TRIM71: variants seen among roughly 807,000 people sequenced by gnomAD.
TRIM71 encodes E3 ubiquitin-protein ligase TRIM71.
A neutral mutation model predicts 61.2 loss-of-function variants in TRIM71; 9 were observed. The observed-to-expected ratio is 0.15, with a 90% CI of 0.09 to 0.26. The LOEUF (loss-of-function observed/expected upper bound fraction) is 0.26. Ranked by LOEUF, TRIM71 falls within the 10% of genes least tolerant of loss-of-function variation. The pLI, the probability that TRIM71 is intolerant of heterozygous loss-of-function variation, is 1.00. For missense variants in TRIM71, 998 were observed against 1,238.7 expected (o/e 0.81, Z 2.92); for synonymous variants, 645 against 553.2 (o/e 1.17, Z -2.33).
rs974484327 is a variant in TRIM71 at position 32,818,566 on chromosome 3, C to T, written c.486C>T (p.Ala162=). Residue 162 remains alanine (A), a synonymous_variant, in exon 1 of 4, where the codon GCC becomes GCT. Transcript: ENST00000383763. Reference sequence around the variant, plus strand: ...ACCACGCGCACCCGCGCGCGTCCGCCTCCGCGCCGCCACTCCCGCAGGCGC... The same window carrying T: ...ACCACGCGCACCCGCGCGCGTCCGCTTCCGCGCCGCCACTCCCGCAGGCGC... ...HAHHAHPRAS[A]SAPPLPQAPQ... 64 of 1,268,832 alleles carry T rather than the reference C, an allele frequency of 5.0e-5. No homozygotes were observed. The African/African-American group carries it at 6.9e-4, about 14-fold the overall frequency. 78.6% of individuals were successfully genotyped at this position (1,268,832 alleles called of 1,614,324 possible). A position where few individuals can be genotyped will look rare whatever the true frequency, so the allele number is the denominator to read the frequency against.
chr3:32,818,438 C>G lies in TRIM71; in HGVS notation c.358C>G (p.Leu120Val). 6.8e-7 allele frequency: 1 copy of G among 1,474,016 alleles called. No homozygotes were observed. Among genetic ancestry groups the G allele is most frequent in the African/African-American group, 1.5e-5 (1 of 68,014 alleles). The allele number at this position is 1,474,016 out of a possible 1,614,324, so 91.3% of individuals were successfully genotyped here. Residue 120 changes from leucine to valine, a missense_variant, in exon 1 of 4, where the codon CTC becomes GTC. Leu to Val is a conservative substitution (Grantham distance 32). Around this residue, in one of 5 missense-constraint regions of TRIM71, gnomAD observed 527 missense variants for 427.8 expected, o/e 1.23. Transcript: ENST00000383763. ...GTCCGCCTTCCTGCTTAGCAACCTG[C>G]TCGACGCGGTGGTGGCCACTGCCGA... Reference protein sequence around the residue: ...PSSAFLLSNLLDAVVATADEP... With the variant: ...PSSAFLLSNLVDAVVATADEP...
intron 1 of TRIM71, among the ~76,000 whole-genome samples, chr3:32,833,529 G>A (rs1343032336): frequency 6.6e-6 from 1 of 152,002 alleles, no homozygotes; most frequent in Non-Finnish European, 1.5e-5. Flanking sequence ...TGGAACCCCC[G>A]GCTATCTCCC....
chr3:32,839,053 G>T (rs940930303), intron 1 of TRIM71, among the ~76,000 whole-genome samples: 4 of 151,946 alleles, frequency 2.6e-5, no homozygotes, highest in African/African-American at 4.8e-5. Flanking sequence ...TGTCCGCCTT[G>T]GCCTCTGGGA....
chr3:32,875,210 G>A (rs531927836), intron 2 of TRIM71, among the ~76,000 whole-genome samples: 102 of 152,356 alleles, frequency 6.7e-4, no homozygotes, highest in African/African-American at 2.4e-3. Context: ...GAGGTTCGGT[G>A]TCTTCAGTCC....
intron 1 of TRIM71, among the ~76,000 whole-genome samples, chr3:32,851,381 C>G (rs1401812527): frequency 6.6e-6 from 1 of 152,250 alleles, no homozygotes; most frequent in Admixed American, 6.5e-5. Context: ...CTCTCCTTAA[C>G]TGAATCCACC....
chr3:32,877,805 T>G (rs1378406111), intron 2 of TRIM71, among the ~76,000 whole-genome samples: 1 of 152,162 alleles, frequency 6.6e-6, no homozygotes, highest in Non-Finnish European at 1.5e-5. Context: ...CTCCACTACT[T>G]CTTTCTGCTA....
chr3:32,829,098 ATTC>A (rs1238870926), intron 1 of TRIM71, among the ~76,000 whole-genome samples: 4 of 151,908 alleles, frequency 2.6e-5, no homozygotes, highest in South Asian at 2.1e-4. Context: ...GGTTCAAGCA[ATTC>A]TTCTGCCTCA....
At chr3:32,831,317 G>A (rs558469533) in intron 1 of TRIM71, among the ~76,000 whole-genome samples, 2 of 108,268 alleles carry the variant, frequency 1.8e-5, no homozygotes, top group African/African-American at 5.4e-5. Context: ...ATTTCTGACC[G>A]TTAAGATGGG....
chr3:32,843,173 A>G (rs1219026261), intron 1 of TRIM71, among the ~76,000 whole-genome samples: 1 of 152,000 alleles, frequency 6.6e-6, no homozygotes, highest in Non-Finnish European at 1.5e-5. Context: ...GAAATACAAG[A>G]GGGGCAGGGC....
intron 1 of TRIM71, among the ~76,000 whole-genome samples, chr3:32,858,750 C>T (rs993437594): frequency 6.6e-6 from 1 of 152,148 alleles, no homozygotes; most frequent in East Asian, 1.9e-4. Context: ...CTTTTCCTGA[C>T]TTTAAGTGAT....
intron 1 of TRIM71, among the ~76,000 whole-genome samples, chr3:32,846,232 T>C (rs1390504983): frequency 2.0e-5 from 3 of 151,614 alleles, no homozygotes; most frequent in East Asian, 2.0e-4. Context: ...CCTACCACCA[T>C]GCCTGGCTAA....
chr3:32,873,077 C>CTCCCTCCA (rs1696814759), intron 1 of TRIM71, among the ~76,000 whole-genome samples: 1 of 146,468 alleles, frequency 6.8e-6, no homozygotes, highest in Non-Finnish European at 1.5e-5. Context: ...CCCTCCCTCC[C>CTCCCTCCA]TCCCTCCCTC....
rs34214588 is a variant in TRIM71 at position 32,874,324 on chromosome 3, T to TTACTAC, written c.1020+379_1020+384dup. 2.6e-3 allele frequency among the ~76,000 whole-genome samples: 320 copies of TTACTAC among 121,562 alleles called. 1 individual carries two copies. Among genetic ancestry groups the TTACTAC allele is most frequent in the African/African-American group, 7.8e-3 (202 of 25,938 alleles). 79.7% of individuals were successfully genotyped at this position (121,562 alleles called of 152,430 possible). A position where few individuals can be genotyped will look rare whatever the true frequency, so the allele number is the denominator to read the frequency against. On this transcript the variant is annotated intron_variant, in intron 2 of 3. Coordinates refer to ENST00000383763, the MANE Select transcript of TRIM71 (RefSeq NM_001039111.3). ...AGAAAGGCTGGGTGCTTAATGCTTA[T>TTACTAC]TACTACTACTACTACTACTACTACT... is the stretch of plus-strand genomic sequence containing the variant.
rs574224032 is a variant in TRIM71 at position 32,857,797 on chromosome 3, C to T, written c.853-16021C>T. On this transcript the variant is annotated intron_variant, in intron 1 of 3. Transcript: ENST00000383763. Reference sequence around the variant, plus strand: ...ACCAGCCTGGCCAACATGGCGAAACCGTGTCTGTACTAAAAACACAAAAAT... The same window carrying T: ...ACCAGCCTGGCCAACATGGCGAAACTGTGTCTGTACTAAAAACACAAAAAT... Among the ~76,000 whole-genome samples the T allele has an allele frequency of 6.6e-5, 10 of 152,244 alleles. 1 individual carries two copies. In the South Asian group the frequency reaches 1.5e-3, roughly 22 times the overall value.
intron 1 of TRIM71, among the ~76,000 whole-genome samples, chr3:32,850,265 AT>A (rs144352341): frequency 2.0e-5 from 3 of 151,846 alleles, no homozygotes; most frequent in Non-Finnish European, 4.4e-5. Flanking sequence ...GGGAATACAG[AT>A]TTTTTTTTGT....
chr3:32,872,319 TAACTC>T (rs1171879084), intron 1 of TRIM71, among the ~76,000 whole-genome samples: 1 of 152,198 alleles, frequency 6.6e-6, no homozygotes, highest in African/African-American at 2.4e-5. Flanking sequence ...ACTTCCCTAT[TAACTC>T]AATTAGCCCC....
chr3:32,878,906 T>C (rs1696878065), intron 2 of TRIM71, among the ~76,000 whole-genome samples: 1 of 152,230 alleles, frequency 6.6e-6, no homozygotes, highest in African/African-American at 2.4e-5. Context: ...CTTCTTCCAA[T>C]ATAAGACTAT....
rs1697061057 is a variant in TRIM71, at chr3:32,894,680, G to T, written c.*2869G>T. 6.6e-6 allele frequency: 1 copy of T among 152,208 alleles called. No individual in the cohort carries two copies. The highest frequency in any genetic ancestry group is 1.5e-5 in the Non-Finnish European group (1 of 68,032). The allele number at this position is 152,208 out of a possible 1,614,324, so 9.4% of individuals were successfully genotyped here. A position where few individuals can be genotyped will look rare whatever the true frequency, so the allele number is the denominator to read the frequency against. On this transcript the variant is annotated 3_prime_UTR_variant, in exon 4 of 4. Transcript: ENST00000383763. ...GGTTGACTCCTGACCCATAGGGATT[G>T]GTGCGAAGCACTTTGGAGAGTGTTT...
chr3:32,881,365 A>G (rs1479105640), intron 2 of TRIM71, among the ~76,000 whole-genome samples: 1 of 152,196 alleles, frequency 6.6e-6, no homozygotes, highest in Non-Finnish European at 1.5e-5. Context: ...CATACCCAGT[A>G]TGGTCGCCTA....
Sources: gnomAD v4.1 joint callset for allele counts (sites outside exome capture counted in the v4.1 genomes callset) on GRCh38, gnomAD v4.1.1 for gene constraint, gnomAD v4.1.1 regional missense constraint, MANE v1.5 for transcripts, NCBI Gene and HGNC (gene_info 2026-07-23, HGNC 2026-07-21) for gene names.